STAU1: variants seen among roughly 807,000 people sequenced by gnomAD.
The protein encoded by STAU1 is double-stranded RNA-binding protein Staufen homolog 1.
STAU1 carries 13 observed loss-of-function variants against 62.9 expected under a neutral mutation model. The ratio of observed to expected loss-of-function variants is 0.21; its 90% CI spans 0.13 to 0.33. STAU1 has a LOEUF of 0.33. Ranked by LOEUF, STAU1 falls within the 10% of genes least tolerant of loss-of-function variation. The pLI is 1.00. For synonymous variants in STAU1, 269 were observed against 265.1 expected, an observed-to-expected ratio of 1.01 and a Z score of -0.14; for missense variants, 571 against 712.1, an observed-to-expected ratio of 0.80 and a Z score of 2.25.
upstream of STAU1, among the ~76,000 whole-genome samples, chr20:49,192,794 C>CA (rs1313770944): frequency 2.6e-5 from 4 of 151,918 alleles, 1 homozygote; most frequent in Admixed American, 2.6e-4. Context: ...GACCCTGACT[C>CA]AAAAAATACA....
At chr20:49,150,051 A>G (rs1374095148) in intron 5 of STAU1, among the ~76,000 whole-genome samples, 1 of 152,210 alleles carries the variant, frequency 6.6e-6, no homozygotes, top group Non-Finnish European at 1.5e-5. Context: ...TGAAATCTCA[A>G]TGTTTTCAAT....
At chr20:49,134,465 C>G (rs957373715) in intron 6 of STAU1, 16 of 617,208 alleles carry the variant, frequency 2.6e-5, no homozygotes, top group Non-Finnish European at 4.4e-5. Flanking sequence ...GGGTTGAAAC[C>G]CGGGCGCCGC....
upstream of STAU1, among the ~76,000 whole-genome samples, chr20:49,189,522 A>G (rs1453031972): frequency 6.8e-6 from 1 of 147,762 alleles, no homozygotes; most frequent in East Asian, 2.0e-4. Context: ...TGGGAGGCTG[A>G]GGCAGGAGAA....
At chr20:49,175,506 G>A (rs1243035398) in intron 1 of STAU1, among the ~76,000 whole-genome samples, 1 of 151,938 alleles carries the variant, frequency 6.6e-6, no homozygotes, top group African/African-American at 2.4e-5. Flanking sequence ...TTGAGATGGA[G>A]TCTTACCCTG....
At chr20:49,182,197 C>A (rs1865047468) in intron 1 of STAU1, among the ~76,000 whole-genome samples, 1 of 152,164 alleles carries the variant, frequency 6.6e-6, no homozygotes, top group South Asian at 2.1e-4. Context: ...TAACAGCCTG[C>A]AGAAATTTTT....
At chr20:49,212,804 G>T in the STAU1 span, among the ~76,000 whole-genome samples, 1,316 of 151,344 alleles carry the variant, frequency 8.7e-3, 18 homozygotes, top group Middle Eastern at 0.024. Flanking sequence ...CTCCATGTTG[G>T]TCAGGCTGGT....
Position 49,166,844 on chromosome 20 carries a change from T to C in STAU1, c.-84-559A>G, listed in dbSNP as rs543403646. ...TTTCTTTATGGTGATGAGAGATGTA[T>C]TGTTTTCCTAAAAGGCTTGTTTGAG... On this transcript the variant is annotated intron_variant, in intron 2 of 13. Coordinates refer to ENST00000371856, the MANE Select transcript of STAU1 (RefSeq NM_017453.4). Among the ~76,000 whole-genome samples the C allele has an allele frequency of 3.3e-5, 5 of 152,286 alleles. No homozygotes were observed. The South Asian group carries it at 6.2e-4, about 19-fold the overall frequency.
chr20:49,212,404 A>G, the STAU1 span, among the ~76,000 whole-genome samples: 11 of 152,188 alleles, frequency 7.2e-5, no homozygotes, highest in African/African-American at 2.7e-4. Context: ...CAAGGTATAC[A>G]ATGTCATGAT....
chr20:49,170,399 G>A (rs895050898), intron 2 of STAU1, among the ~76,000 whole-genome samples: 1 of 152,130 alleles, frequency 6.6e-6, no homozygotes, highest in African/African-American at 2.4e-5. Flanking sequence ...CGTCCAGGTT[G>A]GAGTGCAGTG....
At chr20:49,127,101 T>C (rs2092644315) in intron 6 of STAU1, among the ~76,000 whole-genome samples, 1 of 152,174 alleles carries the variant, frequency 6.6e-6, no homozygotes, top group African/African-American at 2.4e-5. Flanking sequence ...ACGCCTGTAA[T>C]CCCAGCACTT....
At chr20:49,134,903 CT>C in intron 6 of STAU1, 1 of 1,591,658 alleles carries the variant, frequency 6.3e-7, no homozygotes, top group Non-Finnish European at 8.6e-7. Context: ...AGAGACTGGA[CT>C]GAGACTTTGT....
chr20:49,206,734 T>C, the STAU1 span, among the ~76,000 whole-genome samples: 3 of 135,996 alleles, frequency 2.2e-5, no homozygotes, highest in Admixed American at 7.6e-5. Flanking sequence ...TATATATATA[T>C]ATATATATAT....
the STAU1 span, among the ~76,000 whole-genome samples, chr20:49,195,912 A>AAG: frequency 1.2e-5 from 1 of 83,028 alleles, no homozygotes; most frequent in Non-Finnish European, 3.0e-5. Context: ...AAAAAAAAAA[A>AAG]AAAAAGAAAA....
At chr20:49,173,874 G>C (rs2093627458) in intron 2 of STAU1, among the ~76,000 whole-genome samples, 2 of 151,944 alleles carry the variant, frequency 1.3e-5, no homozygotes, top group African/African-American at 2.4e-5. Context: ...GAAATCAAAG[G>C]GTTTTTTTAA....
rs1324433024 is a variant in STAU1 at position 49,117,630 on chromosome 20, C to A, written c.1509+147G>T. On this transcript the variant is annotated intron_variant, in intron 11 of 13. Coordinates refer to ENST00000371856, the MANE Select transcript of STAU1 (RefSeq NM_017453.4). The surrounding 1 kb of genome is among the most constrained non-coding windows in gnomAD (Gnocchi z 4.6). ...ATATGCTTACAATACTTCTATACCT[C>A]CTACCCTTCCATCACTGCTCCCCAG... 7 of 766,326 alleles carry A rather than the reference C, an allele frequency of 9.1e-6. No homozygotes were observed. Among genetic ancestry groups the A allele is most frequent in the Non-Finnish European group, 1.4e-5 (7 of 486,980 alleles). The allele number at this position is 766,326 out of a possible 1,614,324, so 47.5% of individuals were successfully genotyped here. A position where few individuals can be genotyped will look rare whatever the true frequency, so the allele number is the denominator to read the frequency against.
chr20:49,172,881 A>ATT (rs1156864554), intron 2 of STAU1, among the ~76,000 whole-genome samples: 2 of 141,492 alleles, frequency 1.4e-5, no homozygotes, highest in Non-Finnish European at 1.6e-5. Context: ...ATGATAATAC[A>ATT]TTTTTTTTTT....
chr20:49,147,242 ATTAATG>A (rs2093149042), intron 5 of STAU1, among the ~76,000 whole-genome samples: 1 of 152,188 alleles, frequency 6.6e-6, no homozygotes, highest in Non-Finnish European at 1.5e-5. Context: ...TTTTGCTGAT[ATTAATG>A]TTAATGTCTG....
intron 1 of STAU1, among the ~76,000 whole-genome samples, chr20:49,174,929 G>A (rs1248446787): frequency 5.2e-5 from 6 of 115,714 alleles, no homozygotes; most frequent in Non-Finnish European, 8.9e-5. Context: ...GTGAGACTCC[G>A]TCACAAAAAA....
At position 49,120,041 on chromosome 20, in the gene STAU1, G is replaced by A. The variant is rs1224057425; in HGVS notation, c.1054C>T (p.Leu352Phe). 1.9e-6 allele frequency: 3 copies of A among 1,614,062 alleles called. No individual in the cohort carries two copies. Among genetic ancestry groups the A allele is most frequent in the African/African-American group, 1.3e-5 (1 of 74,912 alleles). Residue 352 changes from leucine to phenylalanine, a missense_variant, in exon 9 of 14, where the codon CTT becomes TTT. By Grantham distance (22) the Leu-to-Phe change is conservative (BLOSUM62 0). Coordinates refer to ENST00000371856, the MANE Select transcript of STAU1 (RefSeq NM_017453.4). The stretch of plus-strand genomic sequence containing the variant: ...TGCGCCTGCGGGACTTTGAAACCAA[G>A]GATCTCCAGCATGTTCTCGGCTGCA... ...RNAAENMLEI[L>F]GFKVPQAQPT...
Sources: allele counts gnomAD v4.1 joint callset (sites outside exome capture counted in the v4.1 genomes callset), GRCh38; gene constraint gnomAD v4.1.1; non-coding constraint Gnocchi (gnomAD v3.1); transcripts MANE v1.5; gene names NCBI Gene and HGNC (gene_info 2026-07-23, HGNC 2026-07-21).